The following FAM228B variants were observed in gnomAD, a reference collection of about 807,000 sequenced individuals.
FAM228B encodes family with sequence similarity 228 member B.
Under a neutral mutation model 42.6 loss-of-function variants are expected in FAM228B, and 38 were observed. The ratio of observed to expected loss-of-function variants is 0.89; its 90% CI spans 0.69 to 1.17. The LOEUF (loss-of-function observed/expected upper bound fraction) is 1.17, where lower values mean the gene tolerates loss of function less well. Among genes scored for constraint, FAM228B ranks in the 50% most tolerant of loss-of-function variants. The probability of loss-of-function intolerance (pLI) is 0.00; values close to 1 mark genes in which losing one functional copy is unlikely to be tolerated. For synonymous variants in FAM228B, 109 were observed against 122.3 expected (o/e 0.89, Z 0.72); for missense variants, 344 against 367.3 (o/e 0.94, Z 0.52).
intron 8 of FAM228B, among the ~76,000 whole-genome samples, chr2:24,163,802 C>T (rs1224868862): frequency 6.6e-6 from 1 of 152,190 alleles, no homozygotes; most frequent in Non-Finnish European, 1.5e-5. Flanking sequence ...AGTCTAGGCT[C>T]ACTCTAGAAG....
intron 7 of FAM228B, among the ~76,000 whole-genome samples, chr2:24,156,941 CTGTT>C (rs1425889263): frequency 6.6e-6 from 1 of 152,024 alleles, no homozygotes; most frequent in East Asian, 1.9e-4. Flanking sequence ...CTTAGATTGT[CTGTT>C]TGTGCTCTTT....
At chr2:24,115,849 A>G (rs900538596) in intron 3 of FAM228B, among the ~76,000 whole-genome samples, 1 of 151,430 alleles carries the variant, frequency 6.6e-6, no homozygotes, top group African/African-American at 2.4e-5. Flanking sequence ...ATTTCATGGT[A>G]ATAAGTGCCA....
At chr2:24,126,413 G>A (rs1666309695) in intron 2 of FAM228B, among the ~76,000 whole-genome samples, 1 of 152,112 alleles carries the variant, frequency 6.6e-6, no homozygotes, top group South Asian at 2.1e-4. Flanking sequence ...TCTCATTGTG[G>A]TTTTAATTTG....
At chr2:24,117,558 T>A (rs1403383165) in intron 3 of FAM228B, among the ~76,000 whole-genome samples, 1 of 152,030 alleles carries the variant, frequency 6.6e-6, no homozygotes, top group South Asian at 2.1e-4. Flanking sequence ...TTCTCCTGCC[T>A]CAGCCTCCTG....
rs1009819396 is a variant in FAM228B, at chr2:24,169,495, T to TA, written c.*163dup. 2.3e-3 allele frequency: 675 copies of TA among 292,626 alleles called. No individual in the cohort carries two copies. Among genetic ancestry groups the TA allele is most frequent in the South Asian group, 5.0e-3 (168 of 33,798 alleles). 18.1% of individuals were successfully genotyped at this position (292,626 alleles called of 1,614,324 possible). ...CGGCACTCAAGAATTGTCCTGTCTC[T>TA]AAAAAAAAAGCATCTGCAACGAACT... is the stretch of plus-strand genomic sequence containing the variant. On this transcript the variant is annotated 3_prime_UTR_variant, in exon 11 of 11. Transcript: ENST00000615575. The surrounding 1 kb of genome is among the most constrained non-coding windows in gnomAD (Gnocchi z 4.2).
chr2:24,145,471 A>G (rs1334367359), intron 5 of FAM228B, among the ~76,000 whole-genome samples: 1 of 152,180 alleles, frequency 6.6e-6, no homozygotes, highest in Non-Finnish European at 1.5e-5. Flanking sequence ...TCTCCAGGAA[A>G]AAGTCCTCCC....
intron 3 of FAM228B, among the ~76,000 whole-genome samples, chr2:24,112,173 G>A (rs1352750016): frequency 6.6e-6 from 1 of 152,092 alleles, no homozygotes; most frequent in Non-Finnish European, 1.5e-5. Context: ...ATAGCATCAT[G>A]CTAAATGAAC....
chr2:24,122,112 A>G (rs1434239601), upstream of FAM228B, among the ~76,000 whole-genome samples: 1 of 152,142 alleles, frequency 6.6e-6, no homozygotes, highest in East Asian at 1.9e-4. Flanking sequence ...CAGGTGGATC[A>G]CCTGAGGTTA....
At chr2:24,129,919 A>G (rs1666413782) in intron 2 of FAM228B, among the ~76,000 whole-genome samples, 1 of 151,944 alleles carries the variant, frequency 6.6e-6, no homozygotes, top group African/African-American at 2.4e-5. Context: ...CTAGGTTTTA[A>G]GCCCTGCATG....
chr2:24,122,289 G>A, upstream of FAM228B: 1 of 691,282 alleles, frequency 1.4e-6, no homozygotes, highest in East Asian at 2.6e-5. Flanking sequence ...TCATGCCATT[G>A]CATCCCAGGC....
At chr2:24,136,485 A>G (rs899317717) in intron 3 of FAM228B, among the ~76,000 whole-genome samples, 1 of 152,110 alleles carries the variant, frequency 6.6e-6, no homozygotes, top group Non-Finnish European at 1.5e-5. Context: ...CGGCCTCCCA[A>G]AGTGCTGGGA....
rs138072307 is a variant in FAM228B at position 24,158,251 on chromosome 2, T to C, written c.687-3255T>C. On this transcript the variant is annotated intron_variant, in intron 7 of 10. Coordinates refer to ENST00000615575, the MANE Select transcript of FAM228B (RefSeq NM_001145710.2). Reference sequence around the variant, plus strand: ...TCCCAAGACTCTATTAAAATGCCGCTTTAAAACTTCCTCTCTGAAGTCATT... The same window carrying C: ...TCCCAAGACTCTATTAAAATGCCGCCTTAAAACTTCCTCTCTGAAGTCATT... 2.9e-4 allele frequency among the ~76,000 whole-genome samples: 41 copies of C among 141,120 alleles called. No individual in the cohort carries two copies. In the East Asian group the frequency reaches 4.1e-3, roughly 14 times the overall value. 92.6% of individuals were successfully genotyped at this position (141,120 alleles called of 152,430 possible).
chr2:24,147,560 T>C (rs1372766569), intron 7 of FAM228B, among the ~76,000 whole-genome samples: 5 of 152,186 alleles, frequency 3.3e-5, no homozygotes, highest in Non-Finnish European at 7.4e-5. Flanking sequence ...CCATAGCTCT[T>C]ACTCTGTTCT....
At chr2:24,115,742 G>T in intron 3 of FAM228B, 1 of 920,824 alleles carries the variant, frequency 1.1e-6, no homozygotes, top group African/African-American at 1.7e-5. Context: ...GCTAGGTACT[G>T]GAGAAACAAG....
At chr2:24,147,222 A>G in intron 7 of FAM228B, 136 bp downstream of exon 7, 1 of 581,792 alleles carries the variant, frequency 1.7e-6, no homozygotes, top group Non-Finnish European at 2.8e-6. Flanking sequence ...CTCACTCTGA[A>G]AATTTCATTT....
At chr2:24,144,689 A>C (rs1229210098) in intron 5 of FAM228B, among the ~76,000 whole-genome samples, 1 of 152,146 alleles carries the variant, frequency 6.6e-6, no homozygotes, top group Non-Finnish European at 1.5e-5. Context: ...TGACCTCAGC[A>C]CAGGGGCCAC....
rs1573793980 is a variant in FAM228B, at chr2:24,169,172, C to T, written c.*15-184C>T. ...ATCTCTCAGTGCTTCTGACTCCAGA[C>T]AGCGCGAGGAAAGGCTGAGGCAGGA... On this transcript the variant is annotated intron_variant, in intron 10 of 10. Transcript: ENST00000615575. The surrounding 1 kb of genome is among the most constrained non-coding windows in gnomAD (Gnocchi z 4.2). 1.3e-5 allele frequency among the ~76,000 whole-genome samples: 2 copies of T among 152,178 alleles called. No homozygotes were observed. Among genetic ancestry groups the T allele is most frequent in the East Asian group, 3.8e-4 (2 of 5,202 alleles).
intron 3 of FAM228B, among the ~76,000 whole-genome samples, chr2:24,111,887 A>G (rs978778034): frequency 6.6e-6 from 1 of 152,184 alleles, no homozygotes; most frequent in African/African-American, 2.4e-5. Flanking sequence ...ACTGCATGTT[A>G]CAAGCTATGG....
chr2:24,117,923 C>G (rs1325493923), intron 3 of FAM228B, among the ~76,000 whole-genome samples: 1 of 152,208 alleles, frequency 6.6e-6, no homozygotes, highest in Non-Finnish European at 1.5e-5. Context: ...GATAGCTGTC[C>G]CTTCCCAGAG....
Sources: gnomAD v4.1 joint callset for allele counts (sites outside exome capture counted in the v4.1 genomes callset) on GRCh38, gnomAD v4.1.1 for gene constraint, Gnocchi (gnomAD v3.1) non-coding constraint, MANE v1.5 for transcripts, NCBI Gene and HGNC (gene_info 2026-07-23, HGNC 2026-07-21) for gene names.